The following RNF38 variants were observed in gnomAD, a reference collection of about 807,000 sequenced individuals.
The protein encoded by RNF38 is ring finger protein 38.
RNF38 carries 15 observed loss-of-function variants against 67.2 expected under a neutral mutation model. The ratio of observed to expected loss-of-function variants is 0.22; its 90% CI spans 0.15 to 0.34. The LOEUF is 0.34. Ranked by LOEUF, RNF38 falls within the 10% of genes least tolerant of loss-of-function variation. The pLI is 1.00. For missense variants in RNF38, 524 were observed against 639.9 expected, an observed-to-expected ratio of 0.82 and a Z score of 1.95; for synonymous variants, 220 against 218.8, an observed-to-expected ratio of 1.01 and a Z score of -0.05.
chr9:36,357,727 TG>T, intron 5 of RNF38, 47 bp downstream of exon 5: 1 of 1,519,972 alleles, frequency 6.6e-7, no homozygotes, highest in Non-Finnish European at 9.1e-7. Context: ...AAATTCAGGC[TG>T]GTGTGCTTAA....
At chr9:36,359,394 T>A (rs1834355606) in intron 4 of RNF38, among the ~76,000 whole-genome samples, 1 of 152,174 alleles carries the variant, frequency 6.6e-6, no homozygotes, top group East Asian at 1.9e-4. Context: ...CCAAAAGACT[T>A]ATTTTTGTTT....
At chr9:36,467,071 C>A in intron 1 of RNF38, among the ~76,000 whole-genome samples, 1 of 135,778 alleles carries the variant, frequency 7.4e-6, no homozygotes, top group African/African-American at 2.8e-5. Flanking sequence ...CCCTGCTACT[C>A]AGGAGGCTGA....
upstream of RNF38, chr9:36,401,230 C>G (rs1838016060): frequency 5.4e-5 from 51 of 941,910 alleles, no homozygotes; most frequent in South Asian, 1.6e-4. Context: ...GGGCTGCGCG[C>G]GGCCCGGCGC....
At chr9:36,460,703 C>T (rs944713646) in intron 1 of RNF38, among the ~76,000 whole-genome samples, 25 of 151,736 alleles carry the variant, frequency 1.6e-4, no homozygotes, top group African/African-American at 3.1e-4. Context: ...GCCTGACCAA[C>T]GTGGAGAAAC....
chr9:36,481,161 C>T (rs963824365), intron 1 of RNF38, among the ~76,000 whole-genome samples: 27 of 151,444 alleles, frequency 1.8e-4, no homozygotes, highest in Non-Finnish European at 3.1e-4. Context: ...ATTACACGTG[C>T]GTGCCACCAC....
chr9:36,468,834 C>T (rs909716278), intron 1 of RNF38, among the ~76,000 whole-genome samples: 1 of 151,922 alleles, frequency 6.6e-6, no homozygotes, highest in Non-Finnish European at 1.5e-5. Flanking sequence ...AAAAATTAGG[C>T]CAGGCACAGT....
chr9:36,479,828 G>A (rs1840207118), intron 1 of RNF38, among the ~76,000 whole-genome samples: 1 of 152,102 alleles, frequency 6.6e-6, no homozygotes, highest in Non-Finnish European at 1.5e-5. Context: ...CGGGCATAGT[G>A]GCTCATTCCT....
chr9:36,478,836 AAG>A (rs1840184619), intron 1 of RNF38, among the ~76,000 whole-genome samples: 2 of 150,540 alleles, frequency 1.3e-5, no homozygotes, highest in African/African-American at 5.0e-5. Context: ...AAAAAAAAAA[AAG>A]ATTAGTGGGC....
chr9:36,394,371 G>GT (rs2134068205), intron 1 of RNF38, among the ~76,000 whole-genome samples: 1 of 152,240 alleles, frequency 6.6e-6, no homozygotes, highest in East Asian at 1.9e-4. Context: ...CATGGAAATT[G>GT]TAAGGAAATA....
intron 2 of RNF38, among the ~76,000 whole-genome samples, chr9:36,415,508 G>C (rs1838440753): frequency 6.6e-6 from 1 of 152,040 alleles, no homozygotes; most frequent in African/African-American, 2.4e-5. Flanking sequence ...TGTCCCATGG[G>C]GTGATCCCCT....
rs1372630555 is a variant in RNF38, at chr9:36,338,236, A to AACTT, written c.*1512_*1515dup. On this transcript the variant is annotated 3_prime_UTR_variant, in exon 12 of 12. Transcript: ENST00000259605. ...ACTTTAAAGTGAATTATGCTCAAAGAACTTACTAAAAAAAACCCCATACAG... is the reference window on the plus strand; with the variant it reads ...ACTTTAAAGTGAATTATGCTCAAAGAACTTACTTACTAAAAAAAACCCCATACAG... The AACTT allele has an allele frequency of 6.6e-6, 1 of 152,214 alleles. No homozygotes were observed. The highest frequency in any genetic ancestry group is 2.4e-5 in the African/African-American group (1 of 41,442). The allele number at this position is 152,214 out of a possible 1,614,324, so 9.4% of individuals were successfully genotyped here.
chr9:36,374,938 G>T (rs938510471), intron 3 of RNF38, among the ~76,000 whole-genome samples: 4 of 152,124 alleles, frequency 2.6e-5, no homozygotes, highest in Non-Finnish European at 4.4e-5. Context: ...GGGAGGAGGG[G>T]TTACAAACAT....
chr9:36,420,547 A>AAAAAAAAAAAAAAAAAAAAAAAT (rs1838597781), intron 2 of RNF38, among the ~76,000 whole-genome samples: 2 of 150,402 alleles, frequency 1.3e-5, no homozygotes, highest in Non-Finnish European at 3.0e-5. Context: ...AAAAAAAAAA[A>AAAAAAAAAAAAAAAAAAAAAAAT]GAGGACAACC....
At chr9:36,369,662 T>A in intron 4 of RNF38, 57 bp downstream of exon 4, 2 of 1,349,772 alleles carry the variant, frequency 1.5e-6, no homozygotes, top group South Asian at 1.6e-5. Context: ...AAAAAAAAAA[T>A]CTCAAACTGC....
intron 1 of RNF38, among the ~76,000 whole-genome samples, chr9:36,475,844 C>G (rs1440771682): frequency 1.3e-5 from 2 of 150,244 alleles, no homozygotes; most frequent in Non-Finnish European, 3.0e-5. Flanking sequence ...GGGGAAAGCC[C>G]ATCTCTACTA....
upstream of RNF38, among the ~76,000 whole-genome samples, chr9:36,403,269 T>C (rs35740038): frequency 3.9e-5 from 6 of 152,362 alleles, no homozygotes; most frequent in Non-Finnish European, 8.8e-5. Flanking sequence ...TTGGTGTCTG[T>C]CCACAAAGGT....
intron 1 of RNF38, among the ~76,000 whole-genome samples, chr9:36,393,765 G>A (rs1426986022): frequency 1.3e-5 from 2 of 152,088 alleles, no homozygotes; most frequent in Admixed American, 6.5e-5. Flanking sequence ...ATCAGAGAAA[G>A]CAGAACTGAG....
chr9:36,351,408 A>G (rs904912689), intron 8 of RNF38, among the ~76,000 whole-genome samples: 3 of 152,376 alleles, frequency 2.0e-5, no homozygotes, highest in South Asian at 4.1e-4. Context: ...AATATACCAC[A>G]TAAGAAGATT....
intron 9 of RNF38, among the ~76,000 whole-genome samples, chr9:36,347,869 G>C (rs796197301): frequency 3.3e-5 from 5 of 151,924 alleles, no homozygotes; most frequent in African/African-American, 1.2e-4. Context: ...GAGATCAGGA[G>C]ATCGAGACCA....
Sources: allele counts gnomAD v4.1 joint callset (sites outside exome capture counted in the v4.1 genomes callset), GRCh38; gene constraint gnomAD v4.1.1; transcripts MANE v1.5; gene names NCBI Gene and HGNC (gene_info 2026-07-23, HGNC 2026-07-21).